MAP4K3: variants seen among roughly 807,000 people sequenced by gnomAD.
MAP4K3 encodes the protein MAPK/ERK kinase kinase kinase 3.
In MAP4K3, 94 loss-of-function variants were observed where a neutral mutation model predicts 143.5. That is an observed-to-expected ratio of 0.65 (90% CI 0.55 to 0.78). The LOEUF (loss-of-function observed/expected upper bound fraction) is 0.78, where lower values mean the gene tolerates loss of function less well. Among genes scored for constraint, MAP4K3 ranks in the 30% least tolerant of loss-of-function variants. The pLI is 0.00. For synonymous variants in MAP4K3, 416 were observed against 347.2 expected, an observed-to-expected ratio of 1.20 and a Z score of -2.20; for missense variants, 1,077 against 1,068.1, an observed-to-expected ratio of 1.01 and a Z score of -0.12.
intron 12 of MAP4K3, 92 bp from the exon 13 acceptor site, chr2:39,315,480 T>A: frequency 2.3e-6 from 2 of 874,644 alleles, no homozygotes; most frequent in South Asian, 1.8e-5. Flanking sequence ...AAATACTTCA[T>A]TTTAAGTAAA....
At chr2:39,270,855 G>C (rs1028617122) in intron 26 of MAP4K3, among the ~76,000 whole-genome samples, 8 of 151,998 alleles carry the variant, frequency 5.3e-5, no homozygotes, top group African/African-American at 1.7e-4. Context: ...ATGCTAAAAG[G>C]GTTTTTAGGT....
intron 24 of MAP4K3, among the ~76,000 whole-genome samples, chr2:39,273,650 G>C (rs1558614301): frequency 3.3e-5 from 5 of 152,128 alleles, no homozygotes; most frequent in Admixed American, 2.0e-4. Flanking sequence ...AAAGGGAGGA[G>C]AAACAAAGTA....
At chr2:39,374,609 G>C (rs2148576616) in intron 2 of MAP4K3, among the ~76,000 whole-genome samples, 2 of 152,132 alleles carry the variant, frequency 1.3e-5, no homozygotes, top group South Asian at 4.1e-4. Context: ...TTGAACCTGG[G>C]AGGCAGAGGT....
At chr2:39,350,433 T>C (rs2148544334) in intron 3 of MAP4K3, among the ~76,000 whole-genome samples, 1 of 152,360 alleles carries the variant, frequency 6.6e-6, no homozygotes, top group East Asian at 1.9e-4. Context: ...CAACTTTTCG[T>C]AAATGTAAAA....
Position 39,356,434 on chromosome 2 carries a change from A to G in MAP4K3, c.155-95T>C. The G allele has an allele frequency of 2.9e-6, 2 of 680,408 alleles. 1 individual carries two copies. Among genetic ancestry groups the G allele is most frequent in the South Asian group, 3.5e-5 (2 of 57,034 alleles). The allele number at this position is 680,408 out of a possible 1,614,324, so 42.1% of individuals were successfully genotyped here. A position where few individuals can be genotyped will look rare whatever the true frequency, so the allele number is the denominator to read the frequency against. ...AATAAAATAATTATACGTATTAATA[A>G]GTATAACATAATTAATGAGTTATAA... is the stretch of plus-strand genomic sequence containing the variant. On this transcript the variant is annotated intron_variant, in intron 2 of 33. Coordinates refer to ENST00000263881, the MANE Select transcript of MAP4K3 (RefSeq NM_003618.4).
chr2:39,254,579 T>A (rs1680274682), intron 31 of MAP4K3, 59 bp from the exon 32 acceptor site: 9 of 1,267,340 alleles, frequency 7.1e-6, no homozygotes, highest in African/African-American at 1.5e-5. Flanking sequence ...CTGATAAGCA[T>A]CATTTCATCC....
intron 31 of MAP4K3, among the ~76,000 whole-genome samples, chr2:39,254,769 G>A (rs1922828): frequency 6.6e-6 from 1 of 152,098 alleles, no homozygotes; most frequent in Admixed American, 6.6e-5. Context: ...TAGTAGAAAT[G>A]GGTTTTTACT....
chr2:39,357,407 CATAAGT>C (rs1171480565), intron 2 of MAP4K3, among the ~76,000 whole-genome samples: 1 of 152,198 alleles, frequency 6.6e-6, no homozygotes, highest in Non-Finnish European at 1.5e-5. Context: ...CTGCTCAAAT[CATAAGT>C]ATAAGGTCAT....
At position 39,266,214 on chromosome 2, in the gene MAP4K3, T is replaced by G. The variant is rs574162049; in HGVS notation, c.2033-908A>C. 3.3e-5 allele frequency among the ~76,000 whole-genome samples: 5 copies of G among 152,344 alleles called. No individual in the cohort carries two copies. The East Asian group carries it at 9.6e-4, about 29-fold the overall frequency. ...CCAACCTTGTCATCCTCTTTTGCTC[T>G]AAACCAGCTGTTCTCGCTTCCTGTT... On this transcript the variant is annotated intron_variant, in intron 27 of 33. Coordinates refer to ENST00000263881, the MANE Select transcript of MAP4K3 (RefSeq NM_003618.4).
In MAP4K3 at chr2:39,309,657, C is replaced by A. The variant is rs534876429; in HGVS notation, c.998-138G>T. 3.2e-4 allele frequency: 168 copies of A among 520,602 alleles called. 1 individual carries two copies. The highest frequency in any genetic ancestry group is 3.0e-3 in the African/African-American group (145 of 48,340). 32.2% of individuals were successfully genotyped at this position (520,602 alleles called of 1,614,324 possible). ...ACTGCAATCTCCACCCCCTGGGTTC[C>A]CACCATTTCCCTGCCTCAGCCTCCC... On this transcript the variant is annotated intron_variant, in intron 13 of 33. Transcript: ENST00000263881.
At chr2:39,367,143 A>C (rs1320045741) in intron 2 of MAP4K3, among the ~76,000 whole-genome samples, 3 of 152,248 alleles carry the variant, frequency 2.0e-5, no homozygotes, top group Non-Finnish European at 2.9e-5. Flanking sequence ...TTCTTGATTA[A>C]TGTTTAAGAT....
chr2:39,341,357 T>C (rs1362389984), intron 4 of MAP4K3, among the ~76,000 whole-genome samples: 1 of 151,978 alleles, frequency 6.6e-6, no homozygotes, highest in East Asian at 1.9e-4. Context: ...CACTAAAATA[T>C]CACTGAAAAA....
intron 3 of MAP4K3, among the ~76,000 whole-genome samples, chr2:39,349,392 G>C (rs1384696054): frequency 6.6e-6 from 1 of 152,112 alleles, no homozygotes; most frequent in Non-Finnish European, 1.5e-5. Context: ...GGGGATACAA[G>C]CTGATCTATT....
chr2:39,383,716 A>C (rs1438134162), intron 1 of MAP4K3, among the ~76,000 whole-genome samples: 1 of 152,080 alleles, frequency 6.6e-6, no homozygotes, highest in Non-Finnish European at 1.5e-5. Flanking sequence ...AGGTTAATAT[A>C]CCAATAAACC....
chr2:39,428,992 G>A (rs1403038717), intron 1 of MAP4K3, among the ~76,000 whole-genome samples: 2 of 147,560 alleles, frequency 1.4e-5, no homozygotes, highest in Non-Finnish European at 3.0e-5. Context: ...TTGAACCCAG[G>A]AGGCGGAGGT....
At chr2:39,343,216 A>G (rs1359746180) in intron 4 of MAP4K3, among the ~76,000 whole-genome samples, 172 bp downstream of exon 4, 1 of 152,216 alleles carries the variant, frequency 6.6e-6, no homozygotes, top group Non-Finnish European at 1.5e-5. Context: ...ATTAAAAAGC[A>G]AAGACTCCTC....
At chr2:39,416,585 A>ATC (rs754696494) in intron 1 of MAP4K3, among the ~76,000 whole-genome samples, 4 of 152,224 alleles carry the variant, frequency 2.6e-5, no homozygotes, top group Non-Finnish European at 5.9e-5. Flanking sequence ...AATCTCTTCA[A>ATC]CCAGAAGAAA....
intron 16 of MAP4K3, among the ~76,000 whole-genome samples, chr2:39,295,551 G>A (rs1267656031): frequency 2.0e-5 from 3 of 151,852 alleles, no homozygotes; most frequent in Non-Finnish European, 2.9e-5. Flanking sequence ...TGTACAGTTG[G>A]CTTTTATGTA....
intron 1 of MAP4K3, among the ~76,000 whole-genome samples, chr2:39,408,811 A>C (rs936896469): frequency 3.9e-5 from 6 of 152,260 alleles, no homozygotes; most frequent in Non-Finnish European, 5.9e-5. Flanking sequence ...GACAAAGAAG[A>C]AGCAGTGCCA....
Sources: gnomAD v4.1 joint callset for allele counts (sites outside exome capture counted in the v4.1 genomes callset) on GRCh38, gnomAD v4.1.1 for gene constraint, MANE v1.5 for transcripts, NCBI Gene and HGNC (gene_info 2026-07-23, HGNC 2026-07-21) for gene names.